The following UBE2W variants were observed in gnomAD, a reference collection of about 807,000 sequenced individuals.
UBE2W encodes the protein ubiquitin conjugating enzyme E2 W, also known as ubiquitin-conjugating enzyme E2 W.
In UBE2W, 18 loss-of-function variants were observed where a neutral mutation model predicts 27.2. The ratio of observed to expected loss-of-function variants is 0.66; its 90% CI spans 0.46 to 0.98. UBE2W has a LOEUF of 0.98. UBE2W is among the 50% of genes least tolerant of loss of function. The pLI is 0.00. For synonymous variants in UBE2W, 53 were observed against 57.2 expected (o/e 0.93, Z 0.33); for missense variants, 90 against 180.2 (o/e 0.50, Z 2.87).
chr8:73,853,235 A>G (rs1811151929), intron 1 of UBE2W, among the ~76,000 whole-genome samples: 1 of 152,202 alleles, frequency 6.6e-6, no homozygotes, highest in South Asian at 2.1e-4. Context: ...TGTTGTTTAT[A>G]ATTACTCAGT....
chr8:73,856,357 A>ATTTTTTT (rs34593904), intron 1 of UBE2W, among the ~76,000 whole-genome samples: 91 of 89,336 alleles, frequency 1.0e-3, no homozygotes, highest in Admixed American at 1.4e-3. Flanking sequence ...ACACTTATGA[A>ATTTTTTT]TTTTTTTTTT....
intron 5 of UBE2W, 124 bp from the exon 6 acceptor site, chr8:73,794,239 C>T: frequency 8.3e-7 from 1 of 1,198,090 alleles, no homozygotes; most frequent in South Asian, 1.5e-5. Flanking sequence ...GTCTGATCTG[C>T]CTCCCCCAAA....
chr8:73,842,702 G>A (rs1218331251), intron 1 of UBE2W, among the ~76,000 whole-genome samples: 3 of 151,878 alleles, frequency 2.0e-5, no homozygotes, highest in Admixed American at 6.6e-5. Flanking sequence ...GCACACAAAG[G>A]ACCAAAAACA....
chr8:73,825,127 AT>A lies in UBE2W; in HGVS notation c.210+19del. On this transcript the variant is annotated intron_variant, in intron 3 of 5. Transcript: ENST00000602593. ...GCTATCTAAAAATACAAAAAAAAAAATTTAAAGCAAGGCAATTACCTGAGGA... is the reference window on the plus strand; with the variant it reads ...GCTATCTAAAAATACAAAAAAAAAAATTAAAGCAAGGCAATTACCTGAGGA... The A allele has an allele frequency of 6.7e-7, 1 of 1,489,552 alleles. No individual in the cohort carries two copies. The highest frequency in any genetic ancestry group is 9.0e-7 in the Non-Finnish European group (1 of 1,111,280). The allele number at this position is 1,489,552 out of a possible 1,614,324, so 92.3% of individuals were successfully genotyped here.
intron 4 of UBE2W, among the ~76,000 whole-genome samples, chr8:73,806,818 T>C (rs775664590): frequency 7.2e-5 from 11 of 152,286 alleles, no homozygotes; most frequent in African/African-American, 1.9e-4. Flanking sequence ...CCATCAAAGA[T>C]AGACCAGAAG....
chr8:73,865,442 T>A (rs1811714265), intron 1 of UBE2W, among the ~76,000 whole-genome samples: 1 of 152,040 alleles, frequency 6.6e-6, no homozygotes, highest in African/African-American at 2.4e-5. Context: ...GCAAAACTCA[T>A]CTCTACCAAA....
At chr8:73,785,264 G>T (rs1807916329), downstream of UBE2W, among the ~76,000 whole-genome samples, 1 of 152,000 alleles carries the variant, frequency 6.6e-6, no homozygotes, top group South Asian at 2.1e-4. Context: ...TTGTGCCTCA[G>T]CCTCCCAAAC....
intron 1 of UBE2W, among the ~76,000 whole-genome samples, chr8:73,849,079 T>C (rs1227035960): frequency 3.9e-5 from 6 of 151,970 alleles, no homozygotes; most frequent in Admixed American, 1.3e-4. Context: ...AAAATGTTAA[T>C]TGTTGAATCT....
At chr8:73,851,949 CTT>C (rs1233139164) in intron 1 of UBE2W, among the ~76,000 whole-genome samples, 2 of 114,404 alleles carry the variant, frequency 1.7e-5, no homozygotes, top group Non-Finnish European at 3.5e-5. Context: ...CCCAGTCTCT[CTT>C]TTTTTTTTTT....
intron 1 of UBE2W, 31 bp downstream of exon 1, chr8:73,878,777 G>A (rs1328832562): frequency 2.0e-6 from 3 of 1,533,792 alleles, no homozygotes; most frequent in East Asian, 4.9e-5. Context: ...GCGGCTCCCT[G>A]GCCCGCCCAG....
chr8:73,860,913 T>C lies in UBE2W; in HGVS notation c.15+17895A>G, dbSNP rs141032033. 2.6e-3 allele frequency among the ~76,000 whole-genome samples: 401 copies of C among 152,144 alleles called. 1 individual carries two copies. Among genetic ancestry groups the C allele is most frequent in the African/African-American group, 9.2e-3 (381 of 41,492 alleles). ...ACCTCAGGAGGCCAAGGGAGGAGGA[T>C]CGCTTGAGGCAGAGTTTGAGACCAA... is the stretch of plus-strand genomic sequence containing the variant. On this transcript the variant is annotated intron_variant, in intron 1 of 5. Coordinates refer to ENST00000602593, the MANE Select transcript of UBE2W (RefSeq NM_018299.6).
chr8:73,791,444 T>C lies in UBE2W; in HGVS notation c.*2658A>G. 1 of 985,268 alleles carries C rather than the reference T, an allele frequency of 1.0e-6. No individual in the cohort carries two copies. Among genetic ancestry groups the C allele is most frequent in the Non-Finnish European group, 1.2e-6 (1 of 829,822 alleles). 61.0% of individuals were successfully genotyped at this position (985,268 alleles called of 1,614,324 possible). A position where few individuals can be genotyped will look rare whatever the true frequency, so the allele number is the denominator to read the frequency against. On this transcript the variant is annotated 3_prime_UTR_variant, in exon 6 of 6. Coordinates refer to ENST00000602593, the MANE Select transcript of UBE2W (RefSeq NM_018299.6). ...TCTTCTAAGTATGAAAGTCTAATTC[T>C]GTAGGCCTATGTCGCAAATAGTGCC...
intron 1 of UBE2W, among the ~76,000 whole-genome samples, chr8:73,836,867 T>G (rs1332728350): frequency 1.3e-5 from 2 of 152,204 alleles, no homozygotes; most frequent in African/African-American, 4.8e-5. Context: ...AGCTACAGAT[T>G]GAGATAACTA....
At chr8:73,812,598 C>T (rs376675353) in intron 3 of UBE2W, among the ~76,000 whole-genome samples, 327 of 152,292 alleles carry the variant, frequency 2.1e-3, no homozygotes, top group African/African-American at 7.6e-3. Flanking sequence ...ACAAATCTTA[C>T]GGACATCTAC....
At chr8:73,820,579 A>C (rs1809567650) in intron 3 of UBE2W, among the ~76,000 whole-genome samples, 1 of 151,938 alleles carries the variant, frequency 6.6e-6, no homozygotes, top group Non-Finnish European at 1.5e-5. Flanking sequence ...TCTACCAAAA[A>C]TACAAAAAAA....
intron 1 of UBE2W, among the ~76,000 whole-genome samples, chr8:73,862,110 G>C (rs866519984): frequency 1.3e-5 from 2 of 152,086 alleles, no homozygotes; most frequent in African/African-American, 2.4e-5. Flanking sequence ...TAGTGAAGAC[G>C]AGTCTACAAC....
intron 1 of UBE2W, among the ~76,000 whole-genome samples, chr8:73,832,121 CA>C (rs996081980): frequency 7.3e-6 from 1 of 136,410 alleles, no homozygotes; most frequent in South Asian, 2.1e-4. Context: ...AACAAACAAA[CA>C]AAAAAAATAA....
intron 1 of UBE2W, among the ~76,000 whole-genome samples, chr8:73,843,589 C>A (rs1586509886): frequency 6.6e-6 from 1 of 152,000 alleles, no homozygotes; most frequent in Non-Finnish European, 1.5e-5. Flanking sequence ...GAGTTATGAT[C>A]TAGCCACTGC....
chr8:73,826,436 G>C (rs1247602897), intron 2 of UBE2W, among the ~76,000 whole-genome samples: 1 of 152,046 alleles, frequency 6.6e-6, no homozygotes, highest in Non-Finnish European at 1.5e-5. Flanking sequence ...AAACTTTCTT[G>C]TATTTAAAAT....
Sources: gnomAD v4.1 joint callset for allele counts (sites outside exome capture counted in the v4.1 genomes callset) on GRCh38, gnomAD v4.1.1 for gene constraint, MANE v1.5 for transcripts, NCBI Gene and HGNC (gene_info 2026-07-23, HGNC 2026-07-21) for gene names.